CEP162: variants seen among roughly 807,000 people sequenced by gnomAD.
CEP162 encodes centrosomal protein of 162 kDa.
CEP162 carries 141 observed loss-of-function variants against 169.2 expected under a neutral mutation model. The ratio of observed to expected loss-of-function variants is 0.83; its 90% confidence interval spans 0.73 to 0.96. CEP162 has a LOEUF of 0.96. Among genes scored for constraint, CEP162 ranks in the 40% least tolerant of loss-of-function variants. The pLI, the probability that CEP162 is intolerant of heterozygous loss-of-function variation, is 0.00. For synonymous variants in CEP162, 540 were observed against 526.4 expected (o/e 1.03, Z -0.35); for missense variants, 1,600 against 1,587.2 (o/e 1.01, Z -0.14).
intron 25 of CEP162, among the ~76,000 whole-genome samples, chr6:84,130,722 A>G (rs971187081): frequency 2.6e-5 from 4 of 151,620 alleles, no homozygotes; most frequent in Non-Finnish European, 5.9e-5. Flanking sequence ...ATCATTTTTT[A>G]TTGCGTCTAT....
chr6:84,166,943 A>G (rs1473026442), intron 18 of CEP162, among the ~76,000 whole-genome samples: 2 of 152,246 alleles, frequency 1.3e-5, no homozygotes, highest in African/African-American at 4.8e-5. Flanking sequence ...ATGTGCACAA[A>G]AAAATTCCCA....
At chr6:84,141,733 C>T (rs1032188094) in intron 25 of CEP162, among the ~76,000 whole-genome samples, 3 of 152,176 alleles carry the variant, frequency 2.0e-5, no homozygotes, top group Admixed American at 6.5e-5. Flanking sequence ...AGAACACTGT[C>T]TCAGGGAACT....
At position 84,193,634 on chromosome 6, in the gene CEP162, T is replaced by C. The variant is rs116900371; in HGVS notation, c.1084A>G (p.Ser362Gly). The C allele has an allele frequency of 3.1e-4, 485 of 1,564,140 alleles. 5 individuals are homozygous for C. In the East Asian group the frequency reaches 6.8e-3, roughly 22 times the overall value. Residue 362 changes from serine (S) to glycine (G), a missense_variant, in exon 11 of 27, where the codon AGT becomes GGT. Ser to Gly is a moderately conservative substitution (Grantham distance 56). Transcript: ENST00000403245. ...CTGACAGGTTGTAAATCAAAACCAC[T>C]GATCCCAAAGGAATCTATTCTGATA... Reference protein sequence around the residue: ...KPIRIDSFGISGFDLQPVSSE... With the variant: ...KPIRIDSFGIGGFDLQPVSSE...
intron 1 of CEP162, among the ~76,000 whole-genome samples, chr6:84,227,172 C>T (rs1009387064): frequency 1.3e-5 from 2 of 152,136 alleles, no homozygotes; most frequent in Non-Finnish European, 2.9e-5. Flanking sequence ...TGGGTCGACC[C>T]CCAGCTCCTG....
At chr6:84,185,605 A>C (rs1472818709) in intron 12 of CEP162, among the ~76,000 whole-genome samples, 157 bp from the exon 13 acceptor site, 3 of 152,178 alleles carry the variant, frequency 2.0e-5, no homozygotes, top group African/African-American at 7.2e-5. Flanking sequence ...CTAATGCATC[A>C]GAATTTTAGT....
chr6:84,218,659 A>G (rs1187888142), intron 3 of CEP162, among the ~76,000 whole-genome samples: 1 of 152,232 alleles, frequency 6.6e-6, no homozygotes. Flanking sequence ...CCTTATTAAG[A>G]AGTCACGAAT....
chr6:84,188,556 G>A (rs2099538266), intron 11 of CEP162, among the ~76,000 whole-genome samples: 3 of 152,150 alleles, frequency 2.0e-5, no homozygotes, highest in African/African-American at 7.2e-5. Context: ...TGCAAAGAAC[G>A]TGACCTCATT....
intron 25 of CEP162, among the ~76,000 whole-genome samples, chr6:84,140,032 CTTG>C (rs1360690729): frequency 6.7e-6 from 1 of 149,290 alleles, no homozygotes; most frequent in African/African-American, 2.6e-5. Flanking sequence ...CACCTTTTAT[CTTG>C]TTTTATGTCC....
At chr6:84,157,438 A>G (rs1382700171) in intron 21 of CEP162, among the ~76,000 whole-genome samples, 1 of 152,156 alleles carries the variant, frequency 6.6e-6, no homozygotes, top group Non-Finnish European at 1.5e-5. Context: ...TTGGGAAGCC[A>G]AGGCGGGTGG....
At chr6:84,219,583 G>A (rs2099552875) in intron 3 of CEP162, among the ~76,000 whole-genome samples, 1 of 152,056 alleles carries the variant, frequency 6.6e-6, no homozygotes, top group African/African-American at 2.4e-5. Context: ...TTAAAAGCAG[G>A]GAGAGAGTCT....
At chr6:84,175,929 A>G (rs189936716) in intron 13 of CEP162, among the ~76,000 whole-genome samples, 27 of 152,236 alleles carry the variant, frequency 1.8e-4, no homozygotes, top group African/African-American at 6.0e-4. Context: ...AAATTATAAA[A>G]AAAGTGATTA....
intron 25 of CEP162, among the ~76,000 whole-genome samples, chr6:84,133,866 A>G (rs1339865700): frequency 6.6e-6 from 1 of 152,096 alleles, no homozygotes; most frequent in Non-Finnish European, 1.5e-5. Flanking sequence ...GGCTGTACCC[A>G]CTGTCCAACA....
chr6:84,219,189 C>T, intron 3 of CEP162: 1 of 1,283,496 alleles, frequency 7.8e-7, no homozygotes, highest in Admixed American at 2.3e-5. Context: ...ATACAGGAAT[C>T]ACGTCTTGCC....
intron 9 of CEP162, 50 bp downstream of exon 9, chr6:84,200,739 C>T (rs2099544114): frequency 2.3e-6 from 2 of 875,142 alleles, no homozygotes; most frequent in East Asian, 4.9e-5. Context: ...TCATATTAGT[C>T]ATAAAGCATT....
At chr6:84,130,488 G>C (rs2099510876) in intron 25 of CEP162, among the ~76,000 whole-genome samples, 1 of 152,084 alleles carries the variant, frequency 6.6e-6, no homozygotes, top group African/African-American at 2.4e-5. Context: ...ATCCAGTCCT[G>C]GACTTTTTTT....
Position 84,146,730 on chromosome 6 carries a change from G to A in CEP162, c.3827C>T (p.Ser1276Phe). The A allele has an allele frequency of 6.3e-7, 1 of 1,583,710 alleles. No individual in the cohort carries two copies. The highest frequency in any genetic ancestry group is 8.6e-7 in the Non-Finnish European group (1 of 1,164,196). Residue 1276 changes from serine (S) to phenylalanine (F), a missense_variant, in exon 25 of 27, where the codon TCT becomes TTT. By Grantham distance (155) the Ser-to-Phe change is radical (BLOSUM62 -2). Coordinates refer to ENST00000403245, the MANE Select transcript of CEP162 (RefSeq NM_014895.4). The stretch of plus-strand genomic sequence containing the variant: ...TTCTCGAACTTCAGAAACTACGAGA[G>A]ACTCTTGTTTACTCTGCAGCTCATT... ...QVNELQSKQE[S>F]LVVSEVREEI... is the part of the protein sequence containing the mutation.
chr6:84,126,943 A>G (rs566337243), intron 25 of CEP162, among the ~76,000 whole-genome samples: 2 of 152,314 alleles, frequency 1.3e-5, no homozygotes, highest in South Asian at 2.1e-4. Context: ...TTAACTCCCT[A>G]TAATTCTATT....
At chr6:84,212,594 AGAAG>A (rs1373423198) in intron 6 of CEP162, among the ~76,000 whole-genome samples, 6 of 151,814 alleles carry the variant, frequency 4.0e-5, no homozygotes, top group Admixed American at 2.6e-4. Flanking sequence ...GTAATACAAT[AGAAG>A]GAAGGACAAA....
intron 25 of CEP162, among the ~76,000 whole-genome samples, chr6:84,126,901 A>G (rs1199536136): frequency 6.6e-6 from 1 of 152,224 alleles, no homozygotes; most frequent in South Asian, 2.1e-4. Context: ...CCATGCACAG[A>G]AAGAGTTCAA....
Sources: allele counts gnomAD v4.1 joint callset (sites outside exome capture counted in the v4.1 genomes callset), GRCh38; gene constraint gnomAD v4.1.1; transcripts MANE v1.5; gene names NCBI Gene and HGNC (gene_info 2026-07-23, HGNC 2026-07-21).